NRG3: variants seen among roughly 807,000 people sequenced by gnomAD.
The protein encoded by NRG3 is neuregulin 3.
In NRG3, 31 loss-of-function variants were observed where a neutral mutation model predicts 66.9. The ratio of observed to expected loss-of-function variants is 0.46; its 90% CI spans 0.35 to 0.63. NRG3 has a LOEUF of 0.63. Among genes scored for constraint, NRG3 ranks in the 20% least tolerant of loss-of-function variants. The pLI, the probability that NRG3 is intolerant of heterozygous loss-of-function variation, is 0.00. For missense variants in NRG3, 910 were observed against 878.9 expected (o/e 1.04, Z -0.45); for synonymous variants, 393 against 359.4 (o/e 1.09, Z -1.06).
chr10:82,187,970 C>T (rs941196358), intron 1 of NRG3, among the ~76,000 whole-genome samples: 4 of 146,038 alleles, frequency 2.7e-5, no homozygotes, highest in Admixed American at 2.0e-4. Context: ...AAAAAAAAAA[C>T]GTAAAATGTA....
chr10:82,795,356 G>T (rs2060756581), intron 3 of NRG3, among the ~76,000 whole-genome samples: 1 of 152,106 alleles, frequency 6.6e-6, no homozygotes, highest in African/African-American at 2.4e-5. Flanking sequence ...TTCATGACAG[G>T]ATATGTGTTA....
intron 1 of NRG3, among the ~76,000 whole-genome samples, chr10:82,040,652 A>G (rs1345498792): frequency 1.3e-5 from 2 of 151,966 alleles, no homozygotes; most frequent in Non-Finnish European, 2.9e-5. Context: ...ACAGAGATGC[A>G]TGGAGAAGAT....
intron 1 of NRG3, among the ~76,000 whole-genome samples, chr10:82,140,318 GT>G (rs963999835): frequency 6.6e-6 from 1 of 152,062 alleles, no homozygotes; most frequent in African/African-American, 2.4e-5. Flanking sequence ...CTCTAGAAAA[GT>G]CTCTAAACAA....
At chr10:82,858,353 C>T (rs141683035) in intron 3 of NRG3, among the ~76,000 whole-genome samples, 3 of 152,200 alleles carry the variant, frequency 2.0e-5, no homozygotes, top group African/African-American at 7.2e-5. Flanking sequence ...GCCTGTTTTG[C>T]TGTAATAAAC....
chr10:82,744,352 A>G (rs763358094), intron 3 of NRG3, among the ~76,000 whole-genome samples: 2 of 152,206 alleles, frequency 1.3e-5, no homozygotes, highest in Non-Finnish European at 2.9e-5. Context: ...AGTCAAGATC[A>G]AGGTGCTGGC....
chr10:82,257,139 T>A (rs952276281), intron 1 of NRG3, among the ~76,000 whole-genome samples: 2 of 152,204 alleles, frequency 1.3e-5, no homozygotes, highest in Admixed American at 1.3e-4. Flanking sequence ...GTAAATTTTT[T>A]AAATTTATTT....
intron 2 of NRG3, among the ~76,000 whole-genome samples, chr10:82,381,790 G>A (rs961806292): frequency 1.6e-4 from 25 of 152,192 alleles, no homozygotes; most frequent in African/African-American, 5.3e-4. Context: ...GACTGTCCTG[G>A]ACAAACTGGA....
intron 1 of NRG3, among the ~76,000 whole-genome samples, chr10:82,135,377 C>CTA (rs1183950345): frequency 1.3e-5 from 2 of 151,942 alleles, no homozygotes; most frequent in Non-Finnish European, 2.9e-5. Flanking sequence ...CTATTGATAT[C>CTA]TTTCTCTAGA....
chr10:82,071,417 T>C (rs552616735), intron 1 of NRG3, among the ~76,000 whole-genome samples: 37 of 152,228 alleles, frequency 2.4e-4, no homozygotes, highest in Non-Finnish European at 4.4e-4. Context: ...GACAAGTGAT[T>C]CAAAACTCGC....
At chr10:82,238,483 T>C (rs2076856551) in intron 1 of NRG3, among the ~76,000 whole-genome samples, 2 of 152,216 alleles carry the variant, frequency 1.3e-5, no homozygotes, top group Non-Finnish European at 1.5e-5. Context: ...TAAGTGACTG[T>C]AAGGATTTGA....
intron 1 of NRG3, among the ~76,000 whole-genome samples, chr10:82,253,160 T>A (rs73304668): frequency 0.015 from 2,352 of 152,310 alleles, 66 homozygotes; most frequent in African/African-American, 0.053. Flanking sequence ...TCCATTTGTT[T>A]ATCAAACACC....
At position 82,236,808 on chromosome 10, in the gene NRG3, C is replaced by T. The variant is rs900807908; in HGVS notation, c.824-121931C>T. Among the ~76,000 whole-genome samples, 153 of 151,270 alleles carry T rather than the reference C, an allele frequency of 1.0e-3. 1 individual carries two copies. Among genetic ancestry groups the T allele is most frequent in the African/African-American group, 3.5e-3 (143 of 41,158 alleles). On this transcript the variant is annotated intron_variant, in intron 1 of 8. Coordinates refer to ENST00000372141, the MANE Select transcript of NRG3 (RefSeq NM_001010848.4). ...TCCGCCTACTGCAAGCTCCGCCTCC[C>T]GGGTTCATGCCATTCTCTTGCCTCA...
intron 2 of NRG3, among the ~76,000 whole-genome samples, chr10:82,621,744 G>C (rs1441286969): frequency 2.0e-5 from 3 of 152,124 alleles, no homozygotes; most frequent in African/African-American, 7.2e-5. Context: ...TAATTCCCAA[G>C]GTCAGGCAGC....
chr10:82,706,072 C>T lies in NRG3; in HGVS notation c.954-32505C>T, dbSNP rs563979297. ...CAACCTGGCCTTTAAGCTTTCCTCC[C>T]CTGATCAACCACCCACTCCCTTTCT... On this transcript the variant is annotated intron_variant, in intron 2 of 8. Coordinates refer to ENST00000372141, the MANE Select transcript of NRG3 (RefSeq NM_001010848.4). 2.0e-5 allele frequency among the ~76,000 whole-genome samples: 3 copies of T among 152,174 alleles called. No homozygotes were observed. The South Asian group carries it at 6.2e-4, about 32-fold the overall frequency.
chr10:82,705,437 A>T (rs113548689), intron 2 of NRG3, among the ~76,000 whole-genome samples: 1 of 152,180 alleles, frequency 6.6e-6, no homozygotes, highest in Non-Finnish European at 1.5e-5. Flanking sequence ...GGGCATTCAG[A>T]TACATGCTTA....
intron 1 of NRG3, among the ~76,000 whole-genome samples, chr10:81,937,345 C>T (rs1397725825): frequency 6.6e-6 from 1 of 151,824 alleles, no homozygotes; most frequent in East Asian, 1.9e-4. Context: ...TTTTGAAGAA[C>T]CTCCGTATGT....
Position 82,568,057 on chromosome 10 carries a change from G to T in NRG3, c.954-170520G>T, listed in dbSNP as rs552422057. Among the ~76,000 whole-genome samples, 3 of 151,874 alleles carry T rather than the reference G, an allele frequency of 2.0e-5. No individual in the cohort carries two copies. The South Asian group carries it at 6.2e-4, about 32-fold the overall frequency. ...AATGAGAGATAAGAGTATCTTATGG[G>T]CCTAAAAGAGGAAGATAATGAAAAT... On this transcript the variant is annotated intron_variant, in intron 2 of 8. Coordinates refer to ENST00000372141, the MANE Select transcript of NRG3 (RefSeq NM_001010848.4).
chr10:81,996,023 T>C (rs900566560), intron 1 of NRG3, among the ~76,000 whole-genome samples: 3 of 152,188 alleles, frequency 2.0e-5, no homozygotes, highest in South Asian at 4.1e-4. Flanking sequence ...TTCTTTATAA[T>C]GCATAATGAA....
intron 1 of NRG3, among the ~76,000 whole-genome samples, chr10:82,202,850 A>G (rs185490486): frequency 6.6e-5 from 10 of 152,228 alleles, no homozygotes; most frequent in African/African-American, 4.8e-5. Context: ...GAAGAAAAAC[A>G]TGTGTCATAA....
Sources: allele counts gnomAD v4.1 joint callset (sites outside exome capture counted in the v4.1 genomes callset), GRCh38; gene constraint gnomAD v4.1.1; transcripts MANE v1.5; gene names NCBI Gene and HGNC (gene_info 2026-07-23, HGNC 2026-07-21).